Variants in ATP2A2 observed in about 807,000 individuals in gnomAD.
ATP2A2 encodes the protein sarcoplasmic/endoplasmic reticulum calcium ATPase 2.
A neutral mutation model predicts 109.3 loss-of-function variants in ATP2A2; 14 were observed. The observed-to-expected ratio is 0.13, with a 90% CI of 0.08 to 0.20. ATP2A2 has a LOEUF of 0.20. ATP2A2 is among the 10% of genes least tolerant of loss of function. The probability of loss-of-function intolerance (pLI) is 1.00; values close to 1 mark genes in which losing one functional copy is unlikely to be tolerated. For synonymous variants in ATP2A2, 506 were observed against 490.9 expected (o/e 1.03, Z -0.41); for missense variants, 657 against 1,321.6 (o/e 0.50, Z 7.80).
At chr12:110,333,103 A>G (rs1029181465) in intron 9 of ATP2A2, 78 bp from the exon 10 acceptor site, 1 of 1,232,542 alleles carries the variant, frequency 8.1e-7, no homozygotes, top group African/African-American at 1.5e-5. Context: ...TTATTAAACA[A>G]TTGCGGGGGG....
At position 110,339,758 on chromosome 12, in the gene ATP2A2, A is replaced by T. The variant is rs1566238128; in HGVS notation, c.1761+37A>T. On this transcript the variant is annotated intron_variant, in intron 13 of 19. Coordinates refer to ENST00000539276, the MANE Select transcript of ATP2A2 (RefSeq NM_170665.4). This position sits in a 1 kb window ranked among gnomAD's most constrained non-coding sequence, Gnocchi z 4.4. ...AAAAGTTTCTTTGTCCACACCCTGC[A>T]CGATTCATTGTGTTTAAACAGTACT... The T allele has an allele frequency of 6.3e-7, 1 of 1,596,680 alleles. No individual in the cohort carries two copies. The highest frequency in any genetic ancestry group is 2.2e-5 in the East Asian group (1 of 44,804).
At chr12:110,331,117 G>C (rs1487072836) in intron 8 of ATP2A2, 2 of 151,722 alleles carry the variant, frequency 1.3e-5, no homozygotes, top group Non-Finnish European at 2.9e-5. Flanking sequence ...GTTGGCAGGC[G>C]CCTATAATTT....
At position 110,342,960 on chromosome 12, in the gene ATP2A2, T is replaced by C. The variant is rs958888270; in HGVS notation, c.2319-272T>C. Among the ~76,000 whole-genome samples, 3 of 152,044 alleles carry C rather than the reference T, an allele frequency of 2.0e-5. No homozygotes were observed. Among genetic ancestry groups the C allele is most frequent in the African/African-American group, 7.2e-5 (3 of 41,410 alleles). ...CACCATGTTGCCCAGGCTGGTCTCT[T>C]AACTGCTGAGCTCAGCCAGTCTGCC... On this transcript the variant is annotated intron_variant, in intron 15 of 19. Transcript: ENST00000539276. The surrounding 1 kb of genome is among the most constrained non-coding windows in gnomAD (Gnocchi z 4.6).
Position 110,327,916 on chromosome 12 carries a change from A to G in ATP2A2, c.994A>G (p.Ile332Val), listed in dbSNP as rs1186675566. 1.9e-6 allele frequency: 3 copies of G among 1,613,906 alleles called. No individual in the cohort carries two copies. Among genetic ancestry groups the G allele is most frequent in the Admixed American group, 1.7e-5 (1 of 59,986 alleles). Residue 332 changes from isoleucine (I) to valine (V), a missense_variant, in exon 8 of 20, where the codon ATT (isoleucine) becomes GTT (valine). Around this residue, in one of 9 missense-constraint regions of ATP2A2, gnomAD observed 136 missense variants for 343.9 expected, o/e 0.40. Coordinates refer to ENST00000539276, the MANE Select transcript of ATP2A2 (RefSeq NM_170665.4). The surrounding 1 kb of genome is among the most constrained non-coding windows in gnomAD (Gnocchi z 4.4). ...GTRRMAKKNA[I>V]VRSLPSVETL... Reference sequence around the variant, plus strand: ...TCGCAGAATGGCAAAGAAAAATGCCATTGTTCGAAGCCTCCCGTCTGTGGA... The same window carrying G: ...TCGCAGAATGGCAAAGAAAAATGCCGTTGTTCGAAGCCTCCCGTCTGTGGA...
chr12:110,334,325 A>G, intron 11 of ATP2A2, 182 bp downstream of exon 11: 1 of 800,806 alleles, frequency 1.2e-6, no homozygotes, highest in Non-Finnish European at 2.0e-6. Context: ...TGACCAGGAA[A>G]ATAAAAGCAA....
intron 3 of ATP2A2, among the ~76,000 whole-genome samples, chr12:110,283,221 G>T (rs1373598616): frequency 3.3e-5 from 5 of 152,144 alleles, no homozygotes; most frequent in Non-Finnish European, 7.3e-5. Flanking sequence ...TCCCTTCCTG[G>T]TAATGGCAAG....
intron 1 of ATP2A2, 93 bp downstream of exon 1, chr12:110,282,000 C>T: frequency 9.8e-7 from 1 of 1,015,244 alleles, no homozygotes; most frequent in Non-Finnish European, 1.4e-6. Flanking sequence ...GCTTCGGCTC[C>T]GCGCCCGCCG....
In ATP2A2 at chr12:110,347,188, C is replaced by T. The variant is rs1009868562; in HGVS notation, c.*718C>T. The T allele has an allele frequency of 7.6e-6, 9 of 1,190,954 alleles. No homozygotes were observed. Among genetic ancestry groups the T allele is most frequent in the Non-Finnish European group, 9.5e-6 (9 of 943,760 alleles). 73.8% of individuals were successfully genotyped at this position (1,190,954 alleles called of 1,614,324 possible). On this transcript the variant is annotated 3_prime_UTR_variant, in exon 20 of 20. Transcript: ENST00000539276. ...AATCGACTGGGTTTATGTCCCTTCA[C>T]ATAGTTTTTAAGGTTATTTATTTAA...
chr12:110,286,046 C>T (rs577508247), intron 3 of ATP2A2, among the ~76,000 whole-genome samples: 26 of 151,980 alleles, frequency 1.7e-4, no homozygotes, highest in Non-Finnish European at 2.2e-4. Context: ...GCCTCAGCCT[C>T]CTGAGTAGCT....
In ATP2A2 at chr12:110,350,061, G is replaced by A; in HGVS notation, c.*3591G>A. On this transcript the variant is annotated 3_prime_UTR_variant, in exon 20 of 20. Transcript: ENST00000539276. The stretch of plus-strand genomic sequence containing the variant: ...TTTCCTCCAGAGCCTTTATTCTGTA[G>A]CCAGACGACACGAGGAGTCTGTGTC... 3.5e-6 allele frequency: 5 copies of A among 1,429,522 alleles called. No homozygotes were observed. The highest frequency in any genetic ancestry group is 4.6e-6 in the Non-Finnish European group (5 of 1,097,148). The allele number at this position is 1,429,522 out of a possible 1,614,324, so 88.6% of individuals were successfully genotyped here. A position where few individuals can be genotyped will look rare whatever the true frequency, so the allele number is the denominator to read the frequency against.
Position 110,349,922 on chromosome 12 carries a change from A to G in ATP2A2, c.*3452A>G, listed in dbSNP as rs912091004. 6 of 1,140,002 alleles carry G rather than the reference A, an allele frequency of 5.3e-6. No homozygotes were observed. Among genetic ancestry groups the G allele is most frequent in the Non-Finnish European group, 4.3e-6 (4 of 922,616 alleles). The allele number at this position is 1,140,002 out of a possible 1,614,324, so 70.6% of individuals were successfully genotyped here. A position where few individuals can be genotyped will look rare whatever the true frequency, so the allele number is the denominator to read the frequency against. ...GCAGGGACAGGAAGGCTGTGCTGCT[A>G]CTGGCTGCTCACTTCTCCATCAACC... is the stretch of plus-strand genomic sequence containing the variant. On this transcript the variant is annotated 3_prime_UTR_variant, in exon 20 of 20. Transcript: ENST00000539276.
Position 110,349,991 on chromosome 12 carries a change from C to G in ATP2A2, c.*3521C>G, listed in dbSNP as rs922032550. On this transcript the variant is annotated 3_prime_UTR_variant, in exon 20 of 20. Coordinates refer to ENST00000539276, the MANE Select transcript of ATP2A2 (RefSeq NM_170665.4). ...ACCAAGACCTTGTCCTCTTGCCTGT[C>G]TCGCTGCTTTCACAGCTGCAACGAT... The G allele has an allele frequency of 6.0e-6, 8 of 1,322,528 alleles. No individual in the cohort carries two copies. The highest frequency in any genetic ancestry group is 7.8e-6 in the Non-Finnish European group (8 of 1,031,300). The allele number at this position is 1,322,528 out of a possible 1,614,324, so 81.9% of individuals were successfully genotyped here. A position where few individuals can be genotyped will look rare whatever the true frequency, so the allele number is the denominator to read the frequency against.
chr12:110,347,261 C>A lies in ATP2A2; in HGVS notation c.*791C>A. On this transcript the variant is annotated 3_prime_UTR_variant, in exon 20 of 20. Transcript: ENST00000539276. ...ACAGACATTGTTTTGCCAACATTGC[C>A]TATTTCAGTGGCACGTCATCTAGTT... 1 of 1,237,054 alleles carries A rather than the reference C, an allele frequency of 8.1e-7. No homozygotes were observed. The highest frequency in any genetic ancestry group is 1.4e-5 in the South Asian group (1 of 71,696). 76.6% of individuals were successfully genotyped at this position (1,237,054 alleles called of 1,614,324 possible).
At chr12:110,304,840 C>A (rs780847636) in intron 5 of ATP2A2, among the ~76,000 whole-genome samples, 1 of 152,122 alleles carries the variant, frequency 6.6e-6, no homozygotes, top group Non-Finnish European at 1.5e-5. Flanking sequence ...GTCACAAAGA[C>A]TTTATATATT....
Position 110,340,128 on chromosome 12 carries a change from A to G in ATP2A2, c.1761+407A>G, listed in dbSNP as rs1879207084. Among the ~76,000 whole-genome samples, 1 of 152,216 alleles carries G rather than the reference A, an allele frequency of 6.6e-6. No individual in the cohort carries two copies. On this transcript the variant is annotated intron_variant, in intron 13 of 19. Transcript: ENST00000539276. This position sits in a 1 kb window ranked among gnomAD's most constrained non-coding sequence, Gnocchi z 6.0. ...AGAATTCTTTTATATCAAGGATGTG[A>G]CATCCTAAAGCTATGAACAAAATGA... is the stretch of plus-strand genomic sequence containing the variant.
chr12:110,345,306 A>G lies in ATP2A2; in HGVS notation c.2665A>G (p.Ile889Val), dbSNP rs1879738490. 14 of 1,614,158 alleles carry G rather than the reference A, an allele frequency of 8.7e-6. No individual in the cohort carries two copies. Among genetic ancestry groups the G allele is most frequent in the South Asian group, 1.1e-5 (1 of 91,078 alleles). The change falls in exon 18 of 20, where the codon ATC becomes GTC. Residue 889 changes from isoleucine to valine, a missense_variant. By Grantham distance (29) the Ile-to-Val change is conservative (BLOSUM62 3). Around this residue, in one of 9 missense-constraint regions of ATP2A2, gnomAD observed 125 missense variants for 243.5 expected, o/e 0.51. Transcript: ENST00000539276. ...NPDFEGVDCA[I>V]FESPYPMTMA... ...GGACTTTGAAGGCGTGGATTGTGCAATCTTTGAATCCCCATACCCGATGAC... is the reference window on the plus strand; with the variant it reads ...GGACTTTGAAGGCGTGGATTGTGCAGTCTTTGAATCCCCATACCCGATGAC...
At chr12:110,313,310 C>CT (rs748790705) in intron 5 of ATP2A2, among the ~76,000 whole-genome samples, 31,696 of 112,878 alleles carry the variant, frequency 0.28, 5,519 homozygotes, top group African/African-American at 0.43. Context: ...ACCACCTTTC[C>CT]TTTTTTTTTT....
intron 4 of ATP2A2, among the ~76,000 whole-genome samples, chr12:110,295,275 C>T (rs1315412290): frequency 6.6e-6 from 1 of 152,202 alleles, no homozygotes; most frequent in East Asian, 1.9e-4. Flanking sequence ...GATCCTCCCA[C>T]CTCAGCCTCC....
At chr12:110,332,503 G>A (rs1443734301) in intron 8 of ATP2A2, 94 bp from the exon 9 acceptor site, 2 of 1,064,360 alleles carry the variant, frequency 1.9e-6, no homozygotes, top group African/African-American at 1.6e-5. Flanking sequence ...GAAAGAGGTT[G>A]TTTGCCTTTG....
Sources: gnomAD v4.1 joint callset for allele counts (sites outside exome capture counted in the v4.1 genomes callset) on GRCh38, gnomAD v4.1.1 for gene constraint, gnomAD v4.1.1 regional missense constraint, Gnocchi (gnomAD v3.1) non-coding constraint, MANE v1.5 for transcripts, NCBI Gene and HGNC (gene_info 2026-07-23, HGNC 2026-07-21) for gene names.